Variants in EPHB2 observed in about 807,000 individuals in gnomAD.
EPHB2 encodes ephrin type-B receptor 2.
EPHB2 carries 18 observed loss-of-function variants against 96.4 expected under a neutral mutation model. That is an observed-to-expected ratio of 0.19 (90% confidence interval 0.13 to 0.28). The LOEUF is 0.28. EPHB2 is among the 10% of genes least tolerant of loss of function. EPHB2 has a pLI of 1.00. For synonymous variants in EPHB2, 506 were observed against 534.1 expected (o/e 0.95, Z 0.72); for missense variants, 989 against 1,355.4 (o/e 0.73, Z 4.25).
At chr1:22,716,375 A>G (rs1469298523) in intron 1 of EPHB2, among the ~76,000 whole-genome samples, 1 of 151,636 alleles carries the variant, frequency 6.6e-6, no homozygotes, top group Admixed American at 6.6e-5. Context: ...TTTGTCACCC[A>G]GGCTGGAGCA....
chr1:22,787,541 G>C (rs1644630003), intron 3 of EPHB2, among the ~76,000 whole-genome samples: 1 of 152,158 alleles, frequency 6.6e-6, no homozygotes, highest in African/African-American at 2.4e-5. Flanking sequence ...CTTGAGCCCA[G>C]GAGTTTCAGA....
At chr1:22,831,846 C>T in intron 3 of EPHB2, among the ~76,000 whole-genome samples, 1 of 152,242 alleles carries the variant, frequency 6.6e-6, no homozygotes, top group African/African-American at 2.4e-5. Flanking sequence ...GGGCTGGAAA[C>T]AGAGGGCTGA....
At chr1:22,880,732 G>T (rs1639011760) in intron 5 of EPHB2, among the ~76,000 whole-genome samples, 1 of 152,260 alleles carries the variant, frequency 6.6e-6, no homozygotes, top group Non-Finnish European at 1.5e-5. Flanking sequence ...GTCAGCAGGG[G>T]TGATACACCC....
At position 22,782,170 on chromosome 1, in the gene EPHB2, C is replaced by A. The variant is rs868860190; in HGVS notation, c.126+685C>A. 2.2e-4 allele frequency among the ~76,000 whole-genome samples: 34 copies of A among 152,284 alleles called. 1 individual carries two copies. The highest frequency in any genetic ancestry group is 2.1e-3 in the South Asian group (10 of 4,820). On this transcript the variant is annotated intron_variant, in intron 2 of 15. Transcript: ENST00000374630. ...CTCACCAGCTGTGTGATTTGGGGCA[C>A]TTCCTTAATCTCTCTGAGCTTCAGT...
intron 1 of EPHB2, among the ~76,000 whole-genome samples, chr1:22,759,140 A>G (rs1016664892): frequency 6.6e-6 from 1 of 152,084 alleles, no homozygotes; most frequent in African/African-American, 2.4e-5. Flanking sequence ...TCCTCTCGGA[A>G]CATTTTCCCC....
intron 3 of EPHB2, among the ~76,000 whole-genome samples, chr1:22,819,870 C>G (rs1031153422): frequency 4.0e-5 from 6 of 151,822 alleles, no homozygotes; most frequent in Admixed American, 3.3e-4. Context: ...TTAACCACCC[C>G]CTCAGGGCCA....
intron 6 of EPHB2, among the ~76,000 whole-genome samples, chr1:22,889,929 A>T (rs1639339748): frequency 6.6e-6 from 1 of 152,216 alleles, no homozygotes; most frequent in African/African-American, 2.4e-5. Context: ...CTGAAATTTA[A>T]ATTTGACTGA....
At chr1:22,799,052 C>G (rs1247986924) in intron 3 of EPHB2, among the ~76,000 whole-genome samples, 1 of 152,140 alleles carries the variant, frequency 6.6e-6, no homozygotes, top group African/African-American at 2.4e-5. Flanking sequence ...ACTGTTTTAA[C>G]CAGCCAGGGT....
intron 14 of EPHB2, among the ~76,000 whole-genome samples, chr1:22,910,962 AC>A (rs1393890510): frequency 5.3e-5 from 8 of 151,788 alleles, no homozygotes; most frequent in Non-Finnish European, 1.0e-4. Flanking sequence ...ACATGGTGAA[AC>A]CCCTTCTCTA....
Position 22,912,540 on chromosome 1 carries a change from G to A in EPHB2, c.2793G>A (p.Lys931=). Residue 931 remains lysine (K), a synonymous_variant, in exon 15 of 16, where the codon AAG becomes AAA. Transcript: ENST00000374630. ...WLEAIKMGQY[K]ESFANAGFTS... ...AGGCCATCAAGATGGGGCAGTACAA[G>A]GAGAGCTTCGCCAATGCCGGCTTCA... is the stretch of plus-strand genomic sequence containing the variant. 1.9e-6 allele frequency: 3 copies of A among 1,614,148 alleles called. No individual in the cohort carries two copies. Among genetic ancestry groups the A allele is most frequent in the Non-Finnish European group, 2.5e-6 (3 of 1,180,030 alleles).
intron 1 of EPHB2, among the ~76,000 whole-genome samples, chr1:22,743,731 C>T (rs1643931799): frequency 6.6e-6 from 1 of 152,216 alleles, no homozygotes; most frequent in Admixed American, 6.5e-5. Context: ...CCTTGGCCTC[C>T]CTAAGTGCTG....
At chr1:22,869,211 G>A (rs928145899) in intron 5 of EPHB2, among the ~76,000 whole-genome samples, 1 of 152,024 alleles carries the variant, frequency 6.6e-6, no homozygotes, top group Admixed American at 6.6e-5. Context: ...TGCCAGGTGA[G>A]GAAACTGAAG....
At chr1:22,780,321 A>C (rs1210080450) in intron 1 of EPHB2, among the ~76,000 whole-genome samples, 1 of 152,130 alleles carries the variant, frequency 6.6e-6, no homozygotes, top group Non-Finnish European at 1.5e-5. Context: ...GGGGGAGGCA[A>C]GTGGGGCCCA....
intron 1 of EPHB2, among the ~76,000 whole-genome samples, chr1:22,729,966 T>C (rs952992691): frequency 1.3e-5 from 2 of 152,212 alleles, no homozygotes. Context: ...CTTCTGTTTG[T>C]TCTTTTGGGT....
chr1:22,911,055 G>T (rs1002912370), intron 14 of EPHB2, among the ~76,000 whole-genome samples: 2 of 151,944 alleles, frequency 1.3e-5, no homozygotes, highest in African/African-American at 4.8e-5. Context: ...CAGGAGAATC[G>T]CTTGAACCCA....
intron 6 of EPHB2, chr1:22,891,277 C>A (rs1208736445): frequency 1.6e-5 from 7 of 443,916 alleles, no homozygotes; most frequent in Non-Finnish European, 3.2e-5. Flanking sequence ...CGCACTGAAT[C>A]TTCATTGTTT....
rs941015273 is a variant in EPHB2 at position 22,914,794 on chromosome 1, G to C, written c.*1224G>C. On this transcript the variant is annotated 3_prime_UTR_variant, in exon 16 of 16. Coordinates refer to ENST00000374630, the MANE Select transcript of EPHB2 (RefSeq NM_017449.5). ...CCATCTGGGCCATTCAGAGACTGGA[G>C]TGAGATTTGGGTGTGGAGGGGGAGG... 1 of 152,660 alleles carries C rather than the reference G, an allele frequency of 6.6e-6. No individual in the cohort carries two copies. The highest frequency in any genetic ancestry group is 2.4e-5 in the African/African-American group (1 of 41,444). 9.5% of individuals were successfully genotyped at this position (152,660 alleles called of 1,614,324 possible). A position where few individuals can be genotyped will look rare whatever the true frequency, so the allele number is the denominator to read the frequency against.
intron 1 of EPHB2, among the ~76,000 whole-genome samples, chr1:22,721,978 C>T (rs1046052415): frequency 1.1e-4 from 16 of 152,220 alleles, no homozygotes; most frequent in East Asian, 3.9e-4. Flanking sequence ...TTTTGAGTCT[C>T]GCTCTGTTGC....
At chr1:22,884,430 A>G (rs576948039) in intron 6 of EPHB2, among the ~76,000 whole-genome samples, 1 of 152,108 alleles carries the variant, frequency 6.6e-6, no homozygotes, top group Non-Finnish European at 1.5e-5. Flanking sequence ...CACGGGCCTG[A>G]CCAACATGGT....
Sources: gnomAD v4.1 joint callset for allele counts (sites outside exome capture counted in the v4.1 genomes callset) on GRCh38, gnomAD v4.1.1 for gene constraint, MANE v1.5 for transcripts, NCBI Gene and HGNC (gene_info 2026-07-23, HGNC 2026-07-21) for gene names.